Variants in VPS37A observed in about 807,000 individuals in gnomAD.
The protein encoded by VPS37A is VPS37A subunit of ESCRT-I, also known as vacuolar protein sorting-associated protein 37A.
In VPS37A, 30 loss-of-function variants were observed where a neutral mutation model predicts 49.8. The observed-to-expected ratio is 0.60, with a 90% CI of 0.45 to 0.82. The LOEUF (loss-of-function observed/expected upper bound fraction) is 0.82. Ranked by LOEUF, VPS37A falls within the 40% of genes least tolerant of loss-of-function variation. VPS37A has a pLI of 0.00. For missense variants in VPS37A, 593 were observed against 464.4 expected, an observed-to-expected ratio of 1.28 and a Z score of -2.55; for synonymous variants, 195 against 160.6, an observed-to-expected ratio of 1.21 and a Z score of -1.62.
intron 11 of VPS37A, chr8:17,286,649 A>AT (rs1815623121): frequency 2.2e-6 from 1 of 447,080 alleles, no homozygotes; most frequent in South Asian, 3.8e-5. Flanking sequence ...CATGAATGAG[A>AT]TTTTTTTAAC....
chr8:17,331,298 A>G, the VPS37A span: 1 of 1,574,962 alleles, frequency 6.3e-7, no homozygotes, highest in Non-Finnish European at 8.6e-7. Flanking sequence ...GTGGTCAGCA[A>G]AACAGAACAG....
At chr8:17,328,213 C>A in the VPS37A span, among the ~76,000 whole-genome samples, 1 of 141,258 alleles carries the variant, frequency 7.1e-6, no homozygotes, top group African/African-American at 2.9e-5. Flanking sequence ...TGCCTGCTGA[C>A]CTTCAGGGCA....
chr8:17,259,743 T>G (rs984467055), intron 1 of VPS37A, among the ~76,000 whole-genome samples: 3 of 152,112 alleles, frequency 2.0e-5, no homozygotes, highest in Non-Finnish European at 4.4e-5. Context: ...GTATGTACTT[T>G]GGAGCTCTGG....
At chr8:17,310,783 T>C in the VPS37A span, among the ~76,000 whole-genome samples, 1 of 152,186 alleles carries the variant, frequency 6.6e-6, no homozygotes, top group Non-Finnish European at 1.5e-5. Flanking sequence ...AGGACTCCTT[T>C]GTCAGCATCT....
At chr8:17,254,707 A>G (rs1048244654) in intron 1 of VPS37A, among the ~76,000 whole-genome samples, 1 of 151,606 alleles carries the variant, frequency 6.6e-6, no homozygotes, top group Non-Finnish European at 1.5e-5. Flanking sequence ...ATTTATCTGT[A>G]TATGGTAGTT....
chr8:17,273,764 C>CA (rs1254740287), intron 4 of VPS37A, among the ~76,000 whole-genome samples: 1 of 151,750 alleles, frequency 6.6e-6, no homozygotes, highest in Non-Finnish European at 1.5e-5. Context: ...ATTTTAGTGT[C>CA]ATTCGTATAC....
chr8:17,283,131 G>A (rs1586045238), intron 9 of VPS37A, among the ~76,000 whole-genome samples: 1 of 152,164 alleles, frequency 6.6e-6, no homozygotes, highest in Non-Finnish European at 1.5e-5. Flanking sequence ...TTATTTATGA[G>A]TCACAAAGAG....
intron 11 of VPS37A, among the ~76,000 whole-genome samples, chr8:17,292,627 C>T (rs569671884): frequency 1.3e-5 from 2 of 152,266 alleles, no homozygotes; most frequent in South Asian, 4.1e-4. Context: ...TTAGTGCTTC[C>T]TTCAGGAGCT....
intron 9 of VPS37A, among the ~76,000 whole-genome samples, chr8:17,281,552 A>G (rs1175573126): frequency 1.3e-5 from 2 of 152,036 alleles, no homozygotes; most frequent in Non-Finnish European, 2.9e-5. Flanking sequence ...CAATTACTAC[A>G]CATTTCTAGG....
In VPS37A at chr8:17,284,483, C is replaced by G; in HGVS notation, c.980C>G (p.Ala327Gly). The change falls in exon 10 of 12, where the codon GCA (alanine) becomes GGA (glycine). Residue 327 changes from alanine to glycine, a missense_variant. Physicochemically the swap from Ala to Gly is moderately conservative, Grantham distance 60 (BLOSUM62 0). Coordinates refer to ENST00000324849, the MANE Select transcript of VPS37A (RefSeq NM_152415.3). ...GATTTTCTTTTTCAGAGCTGTAGTG[C>G]AAGTGCCCTTCAGGCAAGATTGAAA... ...RQHELSESCS[A>G]SALQARLKVA... The G allele has an allele frequency of 6.3e-7, 1 of 1,584,326 alleles. No homozygotes were observed. Among genetic ancestry groups the G allele is most frequent in the Non-Finnish European group, 8.5e-7 (1 of 1,171,322 alleles).
chr8:17,279,102 T>TA lies in VPS37A; in HGVS notation c.714-925dup, dbSNP rs1298251447. Among the ~76,000 whole-genome samples the TA allele has an allele frequency of 5.9e-5, 9 of 152,120 alleles. No individual in the cohort carries two copies. The East Asian group carries it at 1.5e-3, about 26-fold the overall frequency. ...CACACATAAACATATCTATAACTCT[T>TA]ACTGTGACAGCCACACATCTGTAAG... On this transcript the variant is annotated intron_variant, in intron 6 of 11. Transcript: ENST00000324849.
chr8:17,302,346 C>A, downstream of VPS37A: 2 of 1,529,058 alleles, frequency 1.3e-6, no homozygotes, highest in Non-Finnish European at 1.8e-6. Context: ...ATCCTCAAGT[C>A]TTCTAAGGTA....
intron 4 of VPS37A, among the ~76,000 whole-genome samples, chr8:17,270,708 A>C (rs900385747): frequency 6.6e-6 from 1 of 152,160 alleles, no homozygotes; most frequent in East Asian, 1.9e-4. Context: ...GGTTGTGGCC[A>C]TTTTGGAATA....
At chr8:17,272,608 G>A (rs185516444) in intron 4 of VPS37A, among the ~76,000 whole-genome samples, 1,578 of 152,168 alleles carry the variant, frequency 0.01, 19 homozygotes, top group Non-Finnish European at 0.016. Flanking sequence ...AGCAGATTGG[G>A]TCAGAATTAT....
intron 9 of VPS37A, among the ~76,000 whole-genome samples, chr8:17,283,196 C>T (rs1309270754): frequency 1.3e-5 from 2 of 152,014 alleles, no homozygotes; most frequent in African/African-American, 4.8e-5. Flanking sequence ...TACTCTGTCA[C>T]CCAGGCTGGA....
In VPS37A at chr8:17,294,756, A is replaced by G. The variant is rs147998704; in HGVS notation, c.*1-231A>G. Among the ~76,000 whole-genome samples the G allele has an allele frequency of 7.9e-3, 1,200 of 152,246 alleles. 14 individuals are homozygous for G. Among genetic ancestry groups the G allele is most frequent in the African/African-American group, 0.027 (1,121 of 41,546 alleles). ...TGCTTCTGCTCACCCTCCGTGGGCT[A>G]CACCCACTGTCTAACCAGTCCCAGT... On this transcript the variant is annotated intron_variant, in intron 11 of 11. Transcript: ENST00000324849.
intron 4 of VPS37A, among the ~76,000 whole-genome samples, 181 bp from the exon 5 acceptor site, chr8:17,274,552 G>C (rs556525204): frequency 4.8e-4 from 71 of 147,866 alleles, no homozygotes; most frequent in African/African-American, 1.7e-3. Flanking sequence ...GGGGGGGTGG[G>C]GTCATATTTT....
intron 1 of VPS37A, among the ~76,000 whole-genome samples, chr8:17,251,697 A>G (rs1811996803): frequency 6.6e-6 from 1 of 152,252 alleles, no homozygotes; most frequent in South Asian, 2.1e-4. Flanking sequence ...TATCTTGCAC[A>G]CAGGAGATGT....
At chr8:17,252,382 C>T (rs1812058740) in intron 1 of VPS37A, among the ~76,000 whole-genome samples, 1 of 152,054 alleles carries the variant, frequency 6.6e-6, no homozygotes, top group Non-Finnish European at 1.5e-5. Context: ...TGCTATGTTG[C>T]CCAGGCTTGT....
Sources: allele counts gnomAD v4.1 joint callset (sites outside exome capture counted in the v4.1 genomes callset), GRCh38; gene constraint gnomAD v4.1.1; transcripts MANE v1.5; gene names NCBI Gene and HGNC (gene_info 2026-07-23, HGNC 2026-07-21).